The following HBS1L variants were observed in gnomAD, a reference collection of about 807,000 sequenced individuals.
HBS1L encodes HBS1-like protein.
Under a neutral mutation model 88.9 loss-of-function variants are expected in HBS1L, and 55 were observed. That is an observed-to-expected ratio of 0.62 (90% CI 0.50 to 0.77). The LOEUF (loss-of-function observed/expected upper bound fraction) is 0.77. Among genes scored for constraint, HBS1L ranks in the 30% least tolerant of loss-of-function variants. The pLI is 0.00. For synonymous variants in HBS1L, 267 were observed against 288.5 expected (o/e 0.93, Z 0.76); for missense variants, 741 against 829.3 (o/e 0.89, Z 1.31).
At chr6:135,007,844 T>A (rs1387223253) in intron 4 of HBS1L, among the ~76,000 whole-genome samples, 1 of 152,202 alleles carries the variant, frequency 6.6e-6, no homozygotes, top group Admixed American at 6.5e-5. Flanking sequence ...TTTCAGTAAG[T>A]CCCAAAATAT....
chr6:135,046,450 TCAC>T (rs1776915118), intron 2 of HBS1L, among the ~76,000 whole-genome samples: 1 of 152,142 alleles, frequency 6.6e-6, no homozygotes, highest in African/African-American at 2.4e-5. Flanking sequence ...ACAAAATACA[TCAC>T]CATTCAAATA....
intron 3 of HBS1L, among the ~76,000 whole-genome samples, chr6:135,041,151 A>C (rs1776724080): frequency 6.6e-6 from 1 of 151,838 alleles, no homozygotes; most frequent in Non-Finnish European, 1.5e-5. Context: ...TTTCTTTAAA[A>C]AAAAAAGTAT....
intron 5 of HBS1L, among the ~76,000 whole-genome samples, chr6:134,998,294 A>C (rs1241387671): frequency 6.6e-6 from 1 of 152,266 alleles, no homozygotes; most frequent in Non-Finnish European, 1.5e-5. Flanking sequence ...TCTAGTGAGG[A>C]ACTCAGATAT....
At position 134,960,947 on chromosome 6, in the gene HBS1L, T is replaced by C. The variant is rs934253242; in HGVS notation, c.*4332A>G. Reference sequence around the variant, plus strand: ...TTACAAAATAGGAATATTTTGCAGATAGCATATCATTAGCTTTGCAGTTTG... The same window carrying C: ...TTACAAAATAGGAATATTTTGCAGACAGCATATCATTAGCTTTGCAGTTTG... On this transcript the variant is annotated 3_prime_UTR_variant, in exon 18 of 18. Coordinates refer to ENST00000367837, the MANE Select transcript of HBS1L (RefSeq NM_006620.4). 14 of 152,188 alleles carry C rather than the reference T, an allele frequency of 9.2e-5. No individual in the cohort carries two copies. Among genetic ancestry groups the C allele is most frequent in the African/African-American group, 3.4e-4 (14 of 41,460 alleles). 9.4% of individuals were successfully genotyped at this position (152,188 alleles called of 1,614,324 possible).
intron 2 of HBS1L, among the ~76,000 whole-genome samples, chr6:135,046,299 T>G (rs1368385111): frequency 2.0e-5 from 3 of 152,134 alleles, no homozygotes; most frequent in Non-Finnish European, 4.4e-5. Flanking sequence ...GAACAAGACT[T>G]TAAACAAGCT....
intron 4 of HBS1L, among the ~76,000 whole-genome samples, chr6:135,008,694 C>T (rs1775681124): frequency 6.6e-6 from 1 of 151,940 alleles, no homozygotes; most frequent in African/African-American, 2.4e-5. Context: ...CATCACACAA[C>T]TGATACAGAC....
chr6:135,016,321 T>A (rs1562298164), intron 4 of HBS1L, among the ~76,000 whole-genome samples: 1 of 152,244 alleles, frequency 6.6e-6, no homozygotes, highest in Non-Finnish European at 1.5e-5. Flanking sequence ...GGTTTAATGT[T>A]TGCATTTCAG....
chr6:135,022,614 TGTATAA>T (rs1045903921), intron 4 of HBS1L, among the ~76,000 whole-genome samples: 42 of 152,300 alleles, frequency 2.8e-4, no homozygotes, highest in African/African-American at 8.9e-4. Flanking sequence ...TCTGGTTACC[TGTATAA>T]GTATAAAATT....
chr6:134,999,846 A>G (rs1052800911), intron 5 of HBS1L, among the ~76,000 whole-genome samples: 3 of 152,184 alleles, frequency 2.0e-5, no homozygotes, highest in Non-Finnish European at 2.9e-5. Context: ...ATCCTAGGTA[A>G]GTCTGCCCTT....
chr6:134,999,286 C>T (rs1237536054), intron 5 of HBS1L, among the ~76,000 whole-genome samples: 2 of 152,094 alleles, frequency 1.3e-5, no homozygotes, highest in Non-Finnish European at 2.9e-5. Flanking sequence ...AAGCTCAGCT[C>T]CCCCACCAAT....
At chr6:135,012,100 G>A (rs1775793023) in intron 4 of HBS1L, among the ~76,000 whole-genome samples, 1 of 152,006 alleles carries the variant, frequency 6.6e-6, no homozygotes, top group Non-Finnish European at 1.5e-5. Flanking sequence ...TAACACTAAT[G>A]TGCAACAGTA....
rs1000177128 is a variant in HBS1L at position 135,037,990 on chromosome 6, T to G, written c.430+1583A>C. The G allele has an allele frequency of 1.2e-5, 18 of 1,525,586 alleles. No individual in the cohort carries two copies. The African/African-American group carries it at 2.5e-4, about 21-fold the overall frequency. 94.5% of individuals were successfully genotyped at this position (1,525,586 alleles called of 1,614,324 possible). A position where few individuals can be genotyped will look rare whatever the true frequency, so the allele number is the denominator to read the frequency against. ...TGACTGAGGATAAGAACTTTGAACATTATCAGCTGAAACTTCAGAAGAAGA... is the reference window on the plus strand; with the variant it reads ...TGACTGAGGATAAGAACTTTGAACAGTATCAGCTGAAACTTCAGAAGAAGA... On this transcript the variant is annotated intron_variant, in intron 4 of 17. Coordinates refer to ENST00000367837, the MANE Select transcript of HBS1L (RefSeq NM_006620.4).
intron 16 of HBS1L, among the ~76,000 whole-genome samples, chr6:134,967,921 T>G (rs986829174): frequency 1.3e-5 from 2 of 152,176 alleles, no homozygotes; most frequent in African/African-American, 4.8e-5. Flanking sequence ...CAGAACATTA[T>G]AGCAAACACT....
rs1774211591 is a variant in HBS1L, at chr6:134,962,623, T to G, written c.*2656A>C. On this transcript the variant is annotated 3_prime_UTR_variant, in exon 18 of 18. Coordinates refer to ENST00000367837, the MANE Select transcript of HBS1L (RefSeq NM_006620.4). ...CAAGTCAAAACATAGTTCTGTAATGTGTTCAAGCCACATTATCCTAGAGGT... is the reference window on the plus strand; with the variant it reads ...CAAGTCAAAACATAGTTCTGTAATGGGTTCAAGCCACATTATCCTAGAGGT... The G allele has an allele frequency of 6.6e-6, 1 of 152,244 alleles. No individual in the cohort carries two copies. The highest frequency in any genetic ancestry group is 1.5e-5 in the Non-Finnish European group (1 of 68,042). The allele number at this position is 152,244 out of a possible 1,614,324, so 9.4% of individuals were successfully genotyped here.
intron 13 of HBS1L, 36 bp from the exon 14 acceptor site, chr6:134,979,304 C>T (rs1774748268): frequency 6.9e-7 from 1 of 1,452,306 alleles, no homozygotes; most frequent in African/African-American, 1.4e-5. Flanking sequence ...TACAGTGAAA[C>T]ACCTCGATAT....
chr6:135,010,990 TA>T (rs1273596499), intron 4 of HBS1L, among the ~76,000 whole-genome samples: 3 of 152,184 alleles, frequency 2.0e-5, no homozygotes, highest in African/African-American at 7.2e-5. Context: ...TATGTGGTTA[TA>T]AATACAAATT....
chr6:135,046,835 G>A (rs1362807243), intron 2 of HBS1L, among the ~76,000 whole-genome samples: 1 of 152,158 alleles, frequency 6.6e-6, no homozygotes, highest in East Asian at 1.9e-4. Flanking sequence ...AGCTGCTTAA[G>A]AATAGAAAAT....
rs1776753992 is a variant in HBS1L at position 135,042,023 on chromosome 6, A to G, written c.213T>C (p.His71=). ...LKESSNSVSN[H]QLSGFDQARL... ...TACCTTGATCAAATCCACTGAGCTG[A>G]TGGTTTGAAACAGAATTGGAAGATT... The change falls in exon 3 of 18, where the codon CAT becomes CAC. Residue 71 remains histidine (H), a synonymous_variant. Coordinates refer to ENST00000367837, the MANE Select transcript of HBS1L (RefSeq NM_006620.4). 4 of 1,613,562 alleles carry G rather than the reference A, an allele frequency of 2.5e-6. No homozygotes were observed. The highest frequency in any genetic ancestry group is 2.5e-6 in the Non-Finnish European group (3 of 1,179,768).
At chr6:135,004,619 T>C (rs1583100998) in intron 4 of HBS1L, among the ~76,000 whole-genome samples, 1 of 151,640 alleles carries the variant, frequency 6.6e-6, no homozygotes, top group African/African-American at 2.4e-5. Flanking sequence ...GAGGCGGAAG[T>C]TACCAAAATG....
Sources: gnomAD v4.1 joint callset for allele counts (sites outside exome capture counted in the v4.1 genomes callset) on GRCh38, gnomAD v4.1.1 for gene constraint, MANE v1.5 for transcripts, NCBI Gene and HGNC (gene_info 2026-07-23, HGNC 2026-07-21) for gene names.